Variants in TTLL11 observed in about 807,000 individuals in gnomAD.
TTLL11 encodes the protein tubulin polyglutamylase TTLL11.
Under a neutral mutation model 51.7 loss-of-function variants are expected in TTLL11, and 42 were observed. That is an observed-to-expected ratio of 0.81 (90% CI 0.64 to 1.05). The LOEUF (loss-of-function observed/expected upper bound fraction) is 1.05, where lower values mean the gene tolerates loss of function less well. Among genes scored for constraint, TTLL11 ranks in the 50% least tolerant of loss-of-function variants. TTLL11 has a pLI of 0.00. For synonymous variants in TTLL11, 381 were observed against 383.5 expected, an observed-to-expected ratio of 0.99 and a Z score of 0.08; for missense variants, 799 against 940.4, an observed-to-expected ratio of 0.85 and a Z score of 1.97.
chr9:122,017,538 C>T (rs1844024115), intron 3 of TTLL11, among the ~76,000 whole-genome samples: 1 of 149,910 alleles, frequency 6.7e-6, no homozygotes, highest in Non-Finnish European at 1.5e-5. Context: ...TCTTGGCTCA[C>T]TGCAACCTCC....
At chr9:121,988,945 C>T (rs2131691864) in intron 4 of TTLL11, 2 of 769,980 alleles carry the variant, frequency 2.6e-6, no homozygotes, top group South Asian at 2.6e-5. Context: ...CTTACAAGAA[C>T]CTTTTAAGAT....
At chr9:121,860,993 G>T (rs948086451) in intron 7 of TTLL11, among the ~76,000 whole-genome samples, 3 of 152,158 alleles carry the variant, frequency 2.0e-5, no homozygotes, top group Admixed American at 1.3e-4. Context: ...TGTAAGTGAG[G>T]TTAGATCCTC....
chr9:122,051,913 A>G (rs940634392), intron 1 of TTLL11, among the ~76,000 whole-genome samples: 2 of 152,206 alleles, frequency 1.3e-5, no homozygotes, highest in African/African-American at 4.8e-5. Context: ...ATTAGAAAGA[A>G]CCCAAAACAA....
rs571099433 is a variant in TTLL11, at chr9:122,088,480, C to T, written c.462+4207G>A. Among the ~76,000 whole-genome samples the T allele has an allele frequency of 5.3e-5, 8 of 152,334 alleles. No individual in the cohort carries two copies. In the South Asian group the frequency reaches 1.2e-3, roughly 24 times the overall value. Reference sequence around the variant, plus strand: ...TCAAATGGAATGCATATTTCAAATGCTAGCTCTGTCCCTTACTAGCTATGT... The same window carrying T: ...TCAAATGGAATGCATATTTCAAATGTTAGCTCTGTCCCTTACTAGCTATGT... On this transcript the variant is annotated intron_variant, in intron 1 of 8. Coordinates refer to ENST00000321582, the MANE Select transcript of TTLL11 (RefSeq NM_001139442.2).
intron 8 of TTLL11, among the ~76,000 whole-genome samples, chr9:121,851,983 G>A (rs1333658606): frequency 2.0e-5 from 3 of 152,156 alleles, no homozygotes; most frequent in South Asian, 2.1e-4. Flanking sequence ...GGGCCGGGAC[G>A]GGGCTCACAT....
intron 3 of TTLL11, among the ~76,000 whole-genome samples, chr9:122,027,348 C>A (rs1249044586): frequency 6.6e-6 from 1 of 152,144 alleles, no homozygotes; most frequent in Non-Finnish European, 1.5e-5. Context: ...ATCACCAGTA[C>A]TCTTCAAAAG....
In TTLL11 at chr9:121,911,693, A is replaced by G. The variant is rs143686374; in HGVS notation, c.1482-40945T>C. On this transcript the variant is annotated intron_variant, in intron 6 of 8. Transcript: ENST00000321582. ...CAGCAAACTAACACAGGAACAAAAA[A>G]CCAAACACCACGTGTTCTCACGGGT... Among the ~76,000 whole-genome samples the G allele has an allele frequency of 2.1e-3, 324 of 152,306 alleles. 1 individual carries two copies. The highest frequency in any genetic ancestry group is 7.5e-3 in the African/African-American group (310 of 41,570).
intron 6 of TTLL11, among the ~76,000 whole-genome samples, chr9:121,918,572 A>C (rs1055413366): frequency 1.1e-4 from 17 of 152,188 alleles, no homozygotes; most frequent in Admixed American, 2.0e-4. Flanking sequence ...CAGGGACTGC[A>C]GGGCCAAGGC....
rs775803803 is a variant in TTLL11, at chr9:121,974,173, C to A, written c.1366-49G>T. 2.8e-5 allele frequency: 40 copies of A among 1,415,720 alleles called. No individual in the cohort carries two copies. The African/African-American group carries it at 5.4e-4, about 19-fold the overall frequency. 87.7% of individuals were successfully genotyped at this position (1,415,720 alleles called of 1,614,324 possible). ...TCACAGTGGAGACCGTGATTCCGTG[C>A]CAAGTGGCTATCCAGCTAGCTCCAG... is the stretch of plus-strand genomic sequence containing the variant. On this transcript the variant is annotated intron_variant, in intron 5 of 8. Transcript: ENST00000321582.
chr9:121,981,269 A>T (rs2131673321), intron 4 of TTLL11, among the ~76,000 whole-genome samples: 1 of 151,412 alleles, frequency 6.6e-6, no homozygotes, highest in South Asian at 2.1e-4. Flanking sequence ...TCTCTACTTA[A>T]TTTTGGACAC....
At chr9:122,054,436 A>T (rs1048244170) in intron 1 of TTLL11, among the ~76,000 whole-genome samples, 1 of 152,286 alleles carries the variant, frequency 6.6e-6, no homozygotes, top group Admixed American at 6.5e-5. Flanking sequence ...TTATTAGGCA[A>T]CAGAAAAAGA....
At chr9:121,895,300 CTG>C (rs374993568) in intron 6 of TTLL11, among the ~76,000 whole-genome samples, 29 of 151,310 alleles carry the variant, frequency 1.9e-4, no homozygotes, top group Non-Finnish European at 2.7e-4. Context: ...GTTTGTGTAG[CTG>C]TGTTTGTGTA....
chr9:121,907,466 T>C (rs75603519), intron 6 of TTLL11, among the ~76,000 whole-genome samples: 1 of 142,768 alleles, frequency 7.0e-6, no homozygotes, highest in East Asian at 2.0e-4. Flanking sequence ...AAAAAAAAAA[T>C]AGAGATTTCA....
At chr9:121,950,007 G>A (rs937620428) in intron 6 of TTLL11, among the ~76,000 whole-genome samples, 2 of 152,004 alleles carry the variant, frequency 1.3e-5, no homozygotes, top group Admixed American at 6.6e-5. Flanking sequence ...CCCTGGCTTG[G>A]TGGAGGTTAT....
At chr9:121,877,539 C>T (rs938606350) in intron 6 of TTLL11, among the ~76,000 whole-genome samples, 9 of 152,168 alleles carry the variant, frequency 5.9e-5, no homozygotes, top group South Asian at 2.1e-4. Flanking sequence ...TTCCCCTTCA[C>T]GCAATGACCC....
chr9:122,087,205 C>T (rs1442977644), intron 1 of TTLL11, among the ~76,000 whole-genome samples: 1 of 150,272 alleles, frequency 6.7e-6, no homozygotes, highest in Admixed American at 6.7e-5. Flanking sequence ...ATAGTAAATA[C>T]TCAATACAAT....
chr9:121,965,655 C>T (rs906620938), intron 6 of TTLL11, among the ~76,000 whole-genome samples: 8 of 152,102 alleles, frequency 5.3e-5, no homozygotes, highest in African/African-American at 1.9e-4. Context: ...AGCAGGATAG[C>T]GGATGATTCT....
At chr9:122,023,809 A>G (rs1031614544) in intron 3 of TTLL11, among the ~76,000 whole-genome samples, 1 of 152,052 alleles carries the variant, frequency 6.6e-6, no homozygotes, top group Admixed American at 6.6e-5. Context: ...AAACTTCATC[A>G]ATCTGATAAA....
At position 121,955,461 on chromosome 9, in the gene TTLL11, C is replaced by T. The variant is rs146346396; in HGVS notation, c.1481+18548G>A. Among the ~76,000 whole-genome samples the T allele has an allele frequency of 1.3e-3, 197 of 152,264 alleles. 2 individuals are homozygous for T. Among genetic ancestry groups the T allele is most frequent in the Non-Finnish European group, 3.7e-4 (25 of 68,020 alleles). ...TCACTCATTAAATGCTTCCCATACTCAGGTAGTATGTGGTGCAGTTAAGAA... is the reference window on the plus strand; with the variant it reads ...TCACTCATTAAATGCTTCCCATACTTAGGTAGTATGTGGTGCAGTTAAGAA... On this transcript the variant is annotated intron_variant, in intron 6 of 8. Coordinates refer to ENST00000321582, the MANE Select transcript of TTLL11 (RefSeq NM_001139442.2).
Sources: gnomAD v4.1 joint callset for allele counts (sites outside exome capture counted in the v4.1 genomes callset) on GRCh38, gnomAD v4.1.1 for gene constraint, MANE v1.5 for transcripts, NCBI Gene and HGNC (gene_info 2026-07-23, HGNC 2026-07-21) for gene names.